ARID1B: variants seen among roughly 807,000 people sequenced by gnomAD.
ARID1B encodes the protein AT-rich interaction domain 1B, also known as AT-rich interactive domain-containing protein 1B.
In ARID1B, 30 loss-of-function variants were observed where a neutral mutation model predicts 212.3. The ratio of observed to expected loss-of-function variants is 0.14; its 90% CI spans 0.11 to 0.19. The LOEUF is 0.19. Among genes scored for constraint, ARID1B ranks in the 10% least tolerant of loss-of-function variants. The pLI, the probability that ARID1B is intolerant of heterozygous loss-of-function variation, is 1.00. For missense variants in ARID1B, 2,891 were observed against 3,204.0 expected (o/e 0.90, Z 2.36); for synonymous variants, 1,402 against 1,301.7 (o/e 1.08, Z -1.66).
chr6:156,818,494 T>C (rs763249578), intron 1 of ARID1B, among the ~76,000 whole-genome samples: 1 of 152,240 alleles, frequency 6.6e-6, no homozygotes, highest in Non-Finnish European at 1.5e-5. Flanking sequence ...TGCTCTGATA[T>C]GTGTTTGGAA....
chr6:156,964,128 A>G (rs1023566992), intron 4 of ARID1B, among the ~76,000 whole-genome samples: 1 of 152,234 alleles, frequency 6.6e-6, no homozygotes, highest in African/African-American at 2.4e-5. Context: ...AAAGCCTGTC[A>G]TCATGGACTC....
intron 6 of ARID1B, among the ~76,000 whole-genome samples, chr6:157,123,949 G>T (rs1425563978): frequency 1.3e-5 from 2 of 152,244 alleles, no homozygotes; most frequent in Non-Finnish European, 2.9e-5. Context: ...CAGTTGGTCT[G>T]CAGAGCCCTC....
chr6:157,031,787 CA>C (rs1180751409), intron 4 of ARID1B, among the ~76,000 whole-genome samples: 2 of 151,838 alleles, frequency 1.3e-5, no homozygotes, highest in Admixed American at 6.6e-5. Context: ...TAAAAGAAAA[CA>C]AATGAAATTT....
chr6:156,823,834 A>G (rs992333131), intron 1 of ARID1B, among the ~76,000 whole-genome samples: 1 of 152,136 alleles, frequency 6.6e-6, no homozygotes, highest in African/African-American at 2.4e-5. Flanking sequence ...ACAATTAGAT[A>G]TCTTTTACTA....
chr6:156,935,350 G>T, intron 3 of ARID1B, 116 bp from the exon 4 acceptor site: 1 of 840,584 alleles, frequency 1.2e-6, no homozygotes, highest in Non-Finnish European at 1.9e-6. Flanking sequence ...GAAGTGCTGG[G>T]ATTACAGGCA....
At chr6:156,896,765 G>C (rs1788433022) in intron 2 of ARID1B, among the ~76,000 whole-genome samples, 1 of 152,028 alleles carries the variant, frequency 6.6e-6, no homozygotes, top group South Asian at 2.1e-4. Flanking sequence ...TATAATCCCA[G>C]CTACTCGGGA....
At chr6:157,041,533 G>A (rs920521334) in intron 4 of ARID1B, among the ~76,000 whole-genome samples, 5 of 152,146 alleles carry the variant, frequency 3.3e-5, no homozygotes, top group African/African-American at 1.2e-4. Flanking sequence ...TTTCATGACT[G>A]TGAATGTTCT....
intron 2 of ARID1B, among the ~76,000 whole-genome samples, chr6:156,871,888 C>T (rs2128145934): frequency 6.6e-6 from 1 of 152,304 alleles, no homozygotes; most frequent in South Asian, 2.1e-4. Flanking sequence ...TTCTGGTTTT[C>T]CTTCTTGAGG....
Position 157,190,103 on chromosome 6 carries a change from A to G in ARID1B, c.4124A>G (p.Asn1375Ser). 6.2e-7 allele frequency: 1 copy of G among 1,614,100 alleles called. No individual in the cohort carries two copies. Among genetic ancestry groups the G allele is most frequent in the Non-Finnish European group, 8.5e-7 (1 of 1,180,008 alleles). ...DVSDSSFPKR[N>S]SMTPNAPYQQ... ...AGTGATTCATCCTTCCCGAAACGGAACTCCATGACTCCAAACGCCCCCTAC... is the reference window on the plus strand; with the variant it reads ...AGTGATTCATCCTTCCCGAAACGGAGCTCCATGACTCCAAACGCCCCCTAC... The change falls in exon 15 of 20, where the codon AAC (asparagine) becomes AGC (serine). Residue 1375 changes from asparagine (N) to serine (S), a missense_variant. By Grantham distance (46) the Asn-to-Ser change is conservative. Transcript: ENST00000636930. This position sits in a 1 kb window ranked among gnomAD's most constrained non-coding sequence, Gnocchi z 4.6.
intron 18 of ARID1B, among the ~76,000 whole-genome samples, chr6:157,202,778 ATG>A (rs557194412): frequency 4.0e-5 from 6 of 150,270 alleles, no homozygotes; most frequent in African/African-American, 7.3e-5. Flanking sequence ...TATATAGAAT[ATG>A]TGTGTGTGTG....
Position 157,207,262 on chromosome 6 carries a change from A to G in ARID1B, c.6490A>G (p.Thr2164Ala). 1.2e-6 allele frequency: 2 copies of G among 1,614,156 alleles called. No homozygotes were observed. Among genetic ancestry groups the G allele is most frequent in the Non-Finnish European group, 8.5e-7 (1 of 1,180,006 alleles). ...ISGQLDLSAY[T>A]ESICLPILDG... ...CGGGCAGCTAGACTTGTCTGCTTAC[A>G]CGGAAAGCATCTGCTTGCCAATTTT... is the stretch of plus-strand genomic sequence containing the variant. The change falls in exon 20 of 20, where the codon ACG becomes GCG. Residue 2164 changes from threonine (T) to alanine (A), a missense_variant. Transcript: ENST00000636930. The surrounding 1 kb of genome is among the most constrained non-coding windows in gnomAD (Gnocchi z 8.5).
intron 4 of ARID1B, among the ~76,000 whole-genome samples, chr6:157,077,226 G>A (rs1784363986): frequency 6.6e-6 from 1 of 152,076 alleles, no homozygotes; most frequent in South Asian, 2.1e-4. Context: ...TTTTTAAAAA[G>A]CACTTTACAG....
chr6:157,012,566 C>A (rs903584723), intron 4 of ARID1B, among the ~76,000 whole-genome samples: 1 of 152,186 alleles, frequency 6.6e-6, no homozygotes, highest in African/African-American at 2.4e-5. Context: ...CTCTAGCCAA[C>A]TGTAAATAGA....
intron 11 of ARID1B, among the ~76,000 whole-genome samples, chr6:157,178,402 G>A (rs1439984554): frequency 2.6e-5 from 4 of 152,170 alleles, no homozygotes; most frequent in Non-Finnish European, 5.9e-5. Context: ...CAGACAAATA[G>A]TTACGTGCAA....
chr6:156,894,822 A>C (rs1449772567), intron 2 of ARID1B, among the ~76,000 whole-genome samples: 1 of 152,220 alleles, frequency 6.6e-6, no homozygotes, highest in African/African-American at 2.4e-5. Flanking sequence ...GCTTTCCTAG[A>C]GATAGAACTG....
intron 4 of ARID1B, among the ~76,000 whole-genome samples, chr6:156,971,471 A>T (rs1583053970): frequency 6.6e-6 from 1 of 152,190 alleles, no homozygotes; most frequent in African/African-American, 2.4e-5. Flanking sequence ...TCCTAACTAG[A>T]TACATTAGAC....
intron 1 of ARID1B, among the ~76,000 whole-genome samples, chr6:156,815,018 T>C (rs1432083862): frequency 6.6e-6 from 1 of 152,228 alleles, no homozygotes; most frequent in Admixed American, 6.5e-5. Flanking sequence ...AACAATAATA[T>C]TCAAATATTG....
At chr6:156,899,474 G>A (rs188385128) in intron 2 of ARID1B, among the ~76,000 whole-genome samples, 1 of 152,272 alleles carries the variant, frequency 6.6e-6, no homozygotes, top group African/African-American at 2.4e-5. Flanking sequence ...GGATGAATGA[G>A]CCGTGTGTCT....
chr6:156,925,043 A>G (rs1791107345), intron 3 of ARID1B, among the ~76,000 whole-genome samples: 1 of 152,174 alleles, frequency 6.6e-6, no homozygotes, highest in Non-Finnish European at 1.5e-5. Flanking sequence ...TTCCTACGAA[A>G]GAAGGCAAAT....
Sources: allele counts gnomAD v4.1 joint callset (sites outside exome capture counted in the v4.1 genomes callset), GRCh38; gene constraint gnomAD v4.1.1; non-coding constraint Gnocchi (gnomAD v3.1); transcripts MANE v1.5; gene names NCBI Gene and HGNC (gene_info 2026-07-23, HGNC 2026-07-21).